SHISA9: variants seen among roughly 807,000 people sequenced by gnomAD.
SHISA9 encodes the protein shisa family member 9.
SHISA9 carries 13 observed loss-of-function variants against 38.0 expected under a neutral mutation model. The ratio of observed to expected loss-of-function variants is 0.34; its 90% CI spans 0.22 to 0.54. The LOEUF is 0.54. Ranked by LOEUF, SHISA9 falls within the 20% of genes least tolerant of loss-of-function variation. SHISA9 has a pLI of 0.91. For missense variants in SHISA9, 538 were observed against 575.8 expected, an observed-to-expected ratio of 0.93 and a Z score of 0.67; for synonymous variants, 275 against 242.0, an observed-to-expected ratio of 1.14 and a Z score of -1.27.
At chr16:13,443,596 T>G in the SHISA9 span, among the ~76,000 whole-genome samples, 2 of 152,300 alleles carry the variant, frequency 1.3e-5, no homozygotes, top group South Asian at 4.1e-4. Flanking sequence ...CTGATCAATT[T>G]TATGTCCTTG....
chr16:13,501,877 T>C, the SHISA9 span, among the ~76,000 whole-genome samples: 1 of 151,942 alleles, frequency 6.6e-6, no homozygotes, highest in Non-Finnish European at 1.5e-5. Context: ...TGGCACATGC[T>C]TGTAATCCCA....
intron 2 of SHISA9, among the ~76,000 whole-genome samples, chr16:13,120,868 C>T (rs1406985855): frequency 1.3e-5 from 2 of 152,064 alleles, no homozygotes; most frequent in African/African-American, 2.4e-5. Flanking sequence ...CTTTCACAGC[C>T]CATTTTACAG....
chr16:13,225,943 A>AT (rs1203397328), intron 4 of SHISA9, among the ~76,000 whole-genome samples: 5 of 152,176 alleles, frequency 3.3e-5, no homozygotes, highest in Non-Finnish European at 5.9e-5. Context: ...GAAAAGTCAA[A>AT]TAGGAGAGGG....
chr16:13,561,735 C>T, the SHISA9 span, among the ~76,000 whole-genome samples: 9 of 152,082 alleles, frequency 5.9e-5, no homozygotes, highest in Non-Finnish European at 1.2e-4. Context: ...AGGTGATGGA[C>T]TAGGGGAATT....
At chr16:13,171,677 G>A (rs1341252948) in intron 2 of SHISA9, among the ~76,000 whole-genome samples, 1 of 151,820 alleles carries the variant, frequency 6.6e-6, no homozygotes, top group Non-Finnish European at 1.5e-5. Context: ...TTAGCAAAGA[G>A]CAAAAAAGTG....
chr16:13,120,135 A>G (rs1331722759), intron 2 of SHISA9, among the ~76,000 whole-genome samples: 1 of 152,214 alleles, frequency 6.6e-6, no homozygotes, highest in Non-Finnish European at 1.5e-5. Flanking sequence ...TGCAAGTAGC[A>G]CTGGAAGTGG....
intron 2 of SHISA9, among the ~76,000 whole-genome samples, chr16:13,126,084 G>A (rs1048463435): frequency 6.6e-6 from 1 of 152,204 alleles, no homozygotes; most frequent in Admixed American, 6.5e-5. Context: ...CTAGCTACTG[G>A]CAATCCCTTA....
intron 2 of SHISA9, among the ~76,000 whole-genome samples, chr16:13,020,828 T>A (rs1034028481): frequency 4.6e-5 from 7 of 152,260 alleles, no homozygotes; most frequent in Non-Finnish European, 8.8e-5. Flanking sequence ...AATTGTCATG[T>A]ATTCAGGGTG....
At chr16:13,417,489 T>C in the SHISA9 span, among the ~76,000 whole-genome samples, 1 of 152,240 alleles carries the variant, frequency 6.6e-6, no homozygotes, top group African/African-American at 2.4e-5. Flanking sequence ...ACCAGATATT[T>C]GCTCAGTTTA....
rs57415975 is a variant in SHISA9, at chr16:13,058,751, T to TTGTG, written c.691+141965_691+141968dup. 9.5e-3 allele frequency among the ~76,000 whole-genome samples: 1,374 copies of TTGTG among 144,924 alleles called. 15 individuals carry two copies. The highest frequency in any genetic ancestry group is 0.023 in the African/African-American group (902 of 39,652). ...GTCATTGACCAGTGGTGTGGTGTAT[T>TTGTG]TGTGTGTGTGTGTGTGTGTGTGTGT... is the stretch of plus-strand genomic sequence containing the variant. On this transcript the variant is annotated intron_variant, in intron 2 of 4. Coordinates refer to ENST00000558583, the MANE Select transcript of SHISA9 (RefSeq NM_001145204.3).
intron 2 of SHISA9, among the ~76,000 whole-genome samples, chr16:12,949,404 C>T (rs1025103323): frequency 1.2e-4 from 19 of 152,270 alleles, no homozygotes; most frequent in African/African-American, 4.6e-4. Flanking sequence ...GTGGACTGCT[C>T]CTTGAGGAGA....
the SHISA9 span, among the ~76,000 whole-genome samples, chr16:13,263,216 GA>G: frequency 6.6e-6 from 1 of 152,170 alleles, no homozygotes; most frequent in Non-Finnish European, 1.5e-5. Context: ...TTAACTTGAT[GA>G]GTCCGTGGTC....
chr16:12,974,727 C>A (rs2072133874), intron 2 of SHISA9, among the ~76,000 whole-genome samples: 1 of 151,890 alleles, frequency 6.6e-6, no homozygotes, highest in Admixed American at 6.6e-5. Context: ...AGGTGATCCA[C>A]CTGCCTCGGC....
the SHISA9 span, among the ~76,000 whole-genome samples, chr16:13,444,496 C>T: frequency 2.0e-5 from 3 of 152,044 alleles, no homozygotes; most frequent in Non-Finnish European, 4.4e-5. Flanking sequence ...GAAAGTCTTG[C>T]AGGTCTTTTG....
the SHISA9 span, among the ~76,000 whole-genome samples, chr16:13,274,330 A>C: frequency 6.6e-6 from 1 of 152,108 alleles, no homozygotes; most frequent in Non-Finnish European, 1.5e-5. Context: ...TGCTATATAC[A>C]AGATTGTTCT....
chr16:12,971,311 C>G (rs1393920813), intron 2 of SHISA9, among the ~76,000 whole-genome samples: 1 of 152,176 alleles, frequency 6.6e-6, no homozygotes, highest in Non-Finnish European at 1.5e-5. Context: ...GAAGCCTTTG[C>G]CAGTAGCCAG....
chr16:13,354,683 C>T, the SHISA9 span, among the ~76,000 whole-genome samples: 5 of 151,576 alleles, frequency 3.3e-5, no homozygotes, highest in African/African-American at 4.8e-5. Flanking sequence ...TAGGCTAAAA[C>T]AGTAAGGTCA....
intron 2 of SHISA9, among the ~76,000 whole-genome samples, chr16:12,959,691 A>C (rs140125775): frequency 6.6e-6 from 1 of 152,284 alleles, no homozygotes; most frequent in East Asian, 1.9e-4. Context: ...GGGGAAACTG[A>C]GGCCCCTAGG....
At chr16:13,098,354 C>T (rs1190882973) in intron 2 of SHISA9, among the ~76,000 whole-genome samples, 1 of 152,174 alleles carries the variant, frequency 6.6e-6, no homozygotes, top group Non-Finnish European at 1.5e-5. Context: ...CCAGCTCTTA[C>T]AGTTAATGGC....
Sources: allele counts gnomAD v4.1 joint callset (sites outside exome capture counted in the v4.1 genomes callset), GRCh38; gene constraint gnomAD v4.1.1; transcripts MANE v1.5; gene names NCBI Gene and HGNC (gene_info 2026-07-23, HGNC 2026-07-21).